The following MYEF2 variants were observed in gnomAD, a reference collection of about 807,000 sequenced individuals.
MYEF2 encodes the protein myelin expression factor 2, also known as myelin gene expression factor 2.
A neutral mutation model predicts 75.2 loss-of-function variants in MYEF2; 37 were observed. The ratio of observed to expected loss-of-function variants is 0.49; its 90% CI spans 0.38 to 0.65. The LOEUF (loss-of-function observed/expected upper bound fraction) is 0.65. MYEF2 is among the 30% of genes least tolerant of loss of function. The probability of loss-of-function intolerance (pLI) is 0.00; values close to 1 mark genes in which losing one functional copy is unlikely to be tolerated. For synonymous variants in MYEF2, 195 were observed against 241.6 expected, an observed-to-expected ratio of 0.81 and a Z score of 1.79; for missense variants, 634 against 771.4, an observed-to-expected ratio of 0.82 and a Z score of 2.11.
At position 48,137,004 on chromosome 15, in the gene MYEF2, A is replaced by G. The variant is rs1359699607; in HGVS notation, c.*5904T>C. The G allele has an allele frequency of 1.3e-6, 2 of 1,545,094 alleles. No homozygotes were observed. The highest frequency in any genetic ancestry group is 2.5e-5 in the South Asian group (2 of 79,692). ...TGCCCATTATTAAGTCTATTCGCAA[A>G]GGAAAAACTTTAAAATTTCATTTCA... On this transcript the variant is annotated 3_prime_UTR_variant, in exon 17 of 17. Coordinates refer to ENST00000324324, the MANE Select transcript of MYEF2 (RefSeq NM_016132.5).
chr15:48,151,462 G>A lies in MYEF2; in HGVS notation c.1306+11C>T. On this transcript the variant is annotated intron_variant, in intron 13 of 16. Coordinates refer to ENST00000324324, the MANE Select transcript of MYEF2 (RefSeq NM_016132.5). Reference sequence around the variant, plus strand: ...ACAAAAAGAAAAGGAGAAGTATGCAGCCAGCCCTACCAAGTCTACCAAAGG... The same window carrying A: ...ACAAAAAGAAAAGGAGAAGTATGCAACCAGCCCTACCAAGTCTACCAAAGG... 6.2e-7 allele frequency: 1 copy of A among 1,606,888 alleles called. No individual in the cohort carries two copies. Among genetic ancestry groups the A allele is most frequent in the South Asian group, 1.1e-5 (1 of 90,876 alleles).
Position 48,142,998 on chromosome 15 carries a change from G to C in MYEF2, c.1713C>G (p.Ser571=). The C allele has an allele frequency of 1.9e-6, 3 of 1,601,626 alleles. No individual in the cohort carries two copies. Among genetic ancestry groups the C allele is most frequent in the Non-Finnish European group, 2.6e-6 (3 of 1,174,678 alleles). The change falls in exon 17 of 17, where the codon TCC becomes TCG. Residue 571 remains serine, a synonymous_variant. Transcript: ENST00000324324. Reference sequence around the variant, plus strand: ...TGCAGGCTTTTTCAGCTGATTCTGGGGAGTCAAATCTGACTGTTCCACAGC... The same window carrying C: ...TGCAGGCTTTTTCAGCTGATTCTGGCGAGTCAAATCTGACTGTTCCACAGC... ...SKGCGTVRFD[S]PESAEKACRI...
At chr15:48,154,444 T>A (rs1351059296) in intron 9 of MYEF2, among the ~76,000 whole-genome samples, 1 of 152,108 alleles carries the variant, frequency 6.6e-6, no homozygotes, top group Non-Finnish European at 1.5e-5. Flanking sequence ...AAGAGGAAAT[T>A]TTTGAGACCT....
chr15:48,157,833 C>A, intron 9 of MYEF2, 160 bp downstream of exon 9: 3 of 1,380,708 alleles, frequency 2.2e-6, no homozygotes, highest in Non-Finnish European at 2.8e-6. Flanking sequence ...CTTATCTTCT[C>A]AGTCTTCCTA....
chr15:48,170,379 G>A (rs984224137), intron 1 of MYEF2, among the ~76,000 whole-genome samples: 11 of 151,988 alleles, frequency 7.2e-5, no homozygotes, highest in African/African-American at 2.4e-4. Flanking sequence ...ACCCGCCTCG[G>A]CCTCCCAAAG....
intron 16 of MYEF2, among the ~76,000 whole-genome samples, chr15:48,148,709 T>C (rs1013340798): frequency 6.6e-6 from 1 of 152,034 alleles, no homozygotes; most frequent in Non-Finnish European, 1.5e-5. Context: ...AAAAGTTTAA[T>C]GCAAAGAATG....
intron 1 of MYEF2, among the ~76,000 whole-genome samples, chr15:48,176,634 G>C (rs1320272569): frequency 6.6e-6 from 1 of 152,160 alleles, no homozygotes. Flanking sequence ...TGTAATTCAA[G>C]GCTGCACTTT....
intron 5 of MYEF2, among the ~76,000 whole-genome samples, chr15:48,161,092 T>C (rs1405712499): frequency 6.6e-6 from 1 of 152,132 alleles, no homozygotes; most frequent in East Asian, 1.9e-4. Context: ...GATGTATTGC[T>C]GTGTTGATCT....
rs2140960274 is a variant in MYEF2 at position 48,178,098 on chromosome 15, C to T, written c.140G>A (p.Ser47Asn). The T allele has an allele frequency of 6.3e-7, 1 of 1,599,412 alleles. No individual in the cohort carries two copies. Among genetic ancestry groups the T allele is most frequent in the East Asian group, 2.3e-5 (1 of 43,936 alleles). ...ATACATTTTAACGCCATTGGAGCTG[C>T]TGCTGTGCTGCGGCTGCTGCTTCTC... ...EAEKQQPQHSSSSNGVKMEND... is the reference protein window; with the variant it reads ...EAEKQQPQHSNSSNGVKMEND... Residue 47 changes from serine (S) to asparagine (N), a missense_variant, in exon 1 of 17, where the codon AGC becomes AAC. Ser to Asn is a conservative substitution (Grantham distance 46). Coordinates refer to ENST00000324324, the MANE Select transcript of MYEF2 (RefSeq NM_016132.5).
chr15:48,171,724 C>T (rs1783749415), intron 1 of MYEF2, among the ~76,000 whole-genome samples: 1 of 151,984 alleles, frequency 6.6e-6, no homozygotes, highest in Admixed American at 6.6e-5. Flanking sequence ...GTCATAAATA[C>T]TTTGGAAGAG....
chr15:48,135,808 T>C lies in MYEF2; in HGVS notation c.*7100A>G, dbSNP rs1421167825. On this transcript the variant is annotated 3_prime_UTR_variant, in exon 17 of 17. Coordinates refer to ENST00000324324, the MANE Select transcript of MYEF2 (RefSeq NM_016132.5). ...GAAACTTAAAACCTAGCCAGAAGCA[T>C]AATTTCTAAACTAATCATCCTGTCC... The C allele has an allele frequency of 6.6e-6, 1 of 152,064 alleles. No individual in the cohort carries two copies. The highest frequency in any genetic ancestry group is 1.5e-5 in the Non-Finnish European group (1 of 68,002). The allele number at this position is 152,064 out of a possible 1,614,324, so 9.4% of individuals were successfully genotyped here.
chr15:48,139,265 C>A lies in MYEF2; in HGVS notation c.*3643G>T, dbSNP rs1044885049. Reference sequence around the variant, plus strand: ...CACTCAAAGTAGTCTAGCTACACAGCAAATTTCTTTTCAGCAAGATTGAAG... The same window carrying A: ...CACTCAAAGTAGTCTAGCTACACAGAAAATTTCTTTTCAGCAAGATTGAAG... On this transcript the variant is annotated 3_prime_UTR_variant, in exon 17 of 17. Transcript: ENST00000324324. 6.5e-6 allele frequency: 7 copies of A among 1,083,130 alleles called. No homozygotes were observed. Among genetic ancestry groups the A allele is most frequent in the Admixed American group, 2.1e-5 (1 of 46,538 alleles). 67.1% of individuals were successfully genotyped at this position (1,083,130 alleles called of 1,614,324 possible).
At chr15:48,174,863 T>C (rs893530499) in intron 1 of MYEF2, among the ~76,000 whole-genome samples, 2 of 152,152 alleles carry the variant, frequency 1.3e-5, no homozygotes, top group African/African-American at 2.4e-5. Flanking sequence ...ACAGCCATTA[T>C]GGAAAACAGC....
At chr15:48,165,876 C>T in intron 5 of MYEF2, 57 bp downstream of exon 5, 1 of 1,273,780 alleles carries the variant, frequency 7.9e-7, no homozygotes, top group Middle Eastern at 2.5e-4. Context: ...ATTGAAAATC[C>T]AAGGAAAACA....
rs2038981219 is a variant in MYEF2 at position 48,139,229 on chromosome 15, T to C, written c.*3679A>G. 6.9e-7 allele frequency: 1 copy of C among 1,456,868 alleles called. No individual in the cohort carries two copies. The highest frequency in any genetic ancestry group is 9.5e-7 in the Non-Finnish European group (1 of 1,049,378). The allele number at this position is 1,456,868 out of a possible 1,614,324, so 90.2% of individuals were successfully genotyped here. A position where few individuals can be genotyped will look rare whatever the true frequency, so the allele number is the denominator to read the frequency against. On this transcript the variant is annotated 3_prime_UTR_variant, in exon 17 of 17. Coordinates refer to ENST00000324324, the MANE Select transcript of MYEF2 (RefSeq NM_016132.5). ...TTGAAAATATTCATATAAGAACAAA[T>C]TGCATATGTTCACTCAAAGTAGTCT...
chr15:48,146,745 T>C (rs1254259249), intron 16 of MYEF2, among the ~76,000 whole-genome samples: 1 of 152,044 alleles, frequency 6.6e-6, no homozygotes, highest in Admixed American at 6.6e-5. Flanking sequence ...TGCCTTTTAC[T>C]GCCCAAGAGG....
At position 48,159,728 on chromosome 15, in the gene MYEF2, A is replaced by T; in HGVS notation, c.602T>A (p.Met201Lys). 1 of 1,613,348 alleles carries T rather than the reference A, an allele frequency of 6.2e-7. No homozygotes were observed. Among genetic ancestry groups the T allele is most frequent in the South Asian group, 1.1e-5 (1 of 91,050 alleles). Reference sequence around the variant, plus strand: ...TGGTAAATTCATCAACCCTGATCCCATATCAGGGACGTGTCCTCCTGGAAA... The same window carrying T: ...TGGTAAATTCATCAACCCTGATCCCTTATCAGGGACGTGTCCTCCTGGAAA... Reference protein sequence around the residue: ...GSFPGGHVPDMGSGLMNLPPS... With the variant: ...GSFPGGHVPDKGSGLMNLPPS... Residue 201 changes from methionine to lysine, a missense_variant, in exon 6 of 17, where the codon ATG becomes AAG. Coordinates refer to ENST00000324324, the MANE Select transcript of MYEF2 (RefSeq NM_016132.5).
chr15:48,167,854 C>T (rs1331063852), intron 2 of MYEF2, among the ~76,000 whole-genome samples: 1 of 152,018 alleles, frequency 6.6e-6, no homozygotes, highest in African/African-American at 2.4e-5. Context: ...AATCATGCTT[C>T]ACAGCAAGCC....
chr15:48,150,018 G>A (rs192287806), intron 14 of MYEF2: 17 of 152,070 alleles, frequency 1.1e-4, no homozygotes, highest in African/African-American at 7.2e-5. Flanking sequence ...ATCACTTCCC[G>A]TTAGCCAGAG....
Sources: allele counts gnomAD v4.1 joint callset (sites outside exome capture counted in the v4.1 genomes callset), GRCh38; gene constraint gnomAD v4.1.1; transcripts MANE v1.5; gene names NCBI Gene and HGNC (gene_info 2026-07-23, HGNC 2026-07-21).